MARCO: variants seen among roughly 807,000 people sequenced by gnomAD.
MARCO encodes the protein macrophage receptor with collagenous structure, also known as macrophage receptor MARCO.
MARCO carries 72 observed loss-of-function variants against 70.0 expected under a neutral mutation model. The observed-to-expected ratio is 1.03, with a 90% CI of 0.85 to 1.25. The LOEUF is 1.25. MARCO is among the 50% of genes most tolerant of loss of function. The pLI is 0.00. For missense variants in MARCO, 696 were observed against 659.3 expected (o/e 1.06, Z -0.61); for synonymous variants, 273 against 243.1 (o/e 1.12, Z -1.14).
intron 1 of MARCO, among the ~76,000 whole-genome samples, chr2:118,956,406 A>C: frequency 6.9e-6 from 1 of 144,530 alleles, no homozygotes; most frequent in East Asian, 2.1e-4. Flanking sequence ...AAGGGACATT[A>C]TGTAATGGTA....
At chr2:118,982,909 T>C (rs577903844) in intron 12 of MARCO, among the ~76,000 whole-genome samples, 1 of 152,326 alleles carries the variant, frequency 6.6e-6, no homozygotes, top group Non-Finnish European at 1.5e-5. Context: ...CTAGGTTATA[T>C]ACCATCATGT....
In MARCO at chr2:118,990,475, G is replaced by A. The variant is rs1368135228; in HGVS notation, c.1064-114G>A. 3 of 987,954 alleles carry A rather than the reference G, an allele frequency of 3.0e-6. No individual in the cohort carries two copies. In the African/African-American group the frequency reaches 4.8e-5, roughly 16 times the overall value. The allele number at this position is 987,954 out of a possible 1,614,324, so 61.2% of individuals were successfully genotyped here. ...CTTTAAACAATCGTGGAGAACCAATGTATCTTTCCATCTGCATTAATCAGA... is the reference window on the plus strand; with the variant it reads ...CTTTAAACAATCGTGGAGAACCAATATATCTTTCCATCTGCATTAATCAGA... On this transcript the variant is annotated intron_variant, in intron 12 of 16. Coordinates refer to ENST00000327097, the MANE Select transcript of MARCO (RefSeq NM_006770.4).
chr2:118,969,272 C>A lies in MARCO; in HGVS notation c.199+11C>A. 1 of 1,611,854 alleles carries A rather than the reference C, an allele frequency of 6.2e-7. No homozygotes were observed. The highest frequency in any genetic ancestry group is 8.5e-7 in the Non-Finnish European group (1 of 1,177,992). Reference sequence around the variant, plus strand: ...TGCTGGTGGTCCAAGGTAAAGCAGGCTTGGTCCTGTGTAGTCCCTCCTGGG... The same window carrying A: ...TGCTGGTGGTCCAAGGTAAAGCAGGATTGGTCCTGTGTAGTCCCTCCTGGG... On this transcript the variant is annotated intron_variant, in intron 2 of 16. Transcript: ENST00000327097.
chr2:118,950,349 A>G, intron 1 of MARCO, among the ~76,000 whole-genome samples: 1 of 152,212 alleles, frequency 6.6e-6, no homozygotes, highest in Admixed American at 6.5e-5. Flanking sequence ...TTTAATATCC[A>G]GTTCACAGAA....
rs554092991 is a variant in MARCO, at chr2:118,943,433, CTATT to C, written c.97+1038_97+1041del. On this transcript the variant is annotated intron_variant, in intron 1 of 16. Transcript: ENST00000327097. Reference sequence around the variant, plus strand: ...TCAGCTGATCAAGCATACTCAGCACCTATTTCCAGCAGGGCACTGCACTCAGCAC... The same window carrying C: ...TCAGCTGATCAAGCATACTCAGCACCTCCAGCAGGGCACTGCACTCAGCAC... Among the ~76,000 whole-genome samples, 730 of 152,346 alleles carry C rather than the reference CTATT, an allele frequency of 4.8e-3. 7 individuals carry two copies. The highest frequency in any genetic ancestry group is 6.5e-3 in the Non-Finnish European group (445 of 68,036).
intron 2 of MARCO, 126 bp from the exon 3 acceptor site, chr2:118,969,988 G>C: frequency 1.2e-6 from 1 of 818,428 alleles, no homozygotes; most frequent in South Asian, 1.6e-5. Context: ...GCTAGGTCCT[G>C]ACAGCACATG....
chr2:118,981,378 C>G, intron 8 of MARCO, 31 bp from the exon 9 acceptor site: 1 of 1,475,722 alleles, frequency 6.8e-7, no homozygotes, highest in Non-Finnish European at 9.3e-7. Context: ...GAGTTCCTCC[C>G]ACAACTAACC....
intron 12 of MARCO, among the ~76,000 whole-genome samples, chr2:118,989,147 C>T (rs1282534715): frequency 2.0e-5 from 3 of 152,212 alleles, no homozygotes; most frequent in African/African-American, 7.2e-5. Flanking sequence ...GGAGAGAAGG[C>T]TTCACAGGTG....
chr2:118,987,116 C>T lies in MARCO; in HGVS notation c.1064-3473C>T, dbSNP rs980457927. Among the ~76,000 whole-genome samples the T allele has an allele frequency of 4.6e-5, 7 of 152,360 alleles. No individual in the cohort carries two copies. The East Asian group carries it at 5.8e-4, about 13-fold the overall frequency. On this transcript the variant is annotated intron_variant, in intron 12 of 16. Transcript: ENST00000327097. The stretch of plus-strand genomic sequence containing the variant: ...GGCATATGTTTTCTAACTTAACACA[C>T]ATTTCTTGGGAGAATATTATTTCTG...
At chr2:118,970,415 A>G in intron 3 of MARCO, 77 bp downstream of exon 3, 1 of 1,165,546 alleles carries the variant, frequency 8.6e-7, no homozygotes, top group Non-Finnish European at 1.2e-6. Flanking sequence ...CCAGGAAATT[A>G]AGGACCCTGT....
In MARCO at chr2:118,982,158, C is replaced by A. The variant is rs368112112; in HGVS notation, c.904C>A (p.Gln302Lys). The A allele has an allele frequency of 6.2e-7, 1 of 1,607,206 alleles. No homozygotes were observed. The highest frequency in any genetic ancestry group is 1.3e-5 in the African/African-American group (1 of 74,918). Residue 302 changes from glutamine (Q) to lysine (K), a missense_variant and splice_region_variant, in exon 11 of 17, where the codon CAA (glutamine) becomes AAA (lysine). Gln to Lys is a moderately conservative substitution (Grantham distance 53). This residue lies in a region of MARCO where 605 missense variants were observed against 537.6 expected (regional missense o/e 1.13). Coordinates refer to ENST00000327097, the MANE Select transcript of MARCO (RefSeq NM_006770.4). Reference sequence around the variant, plus strand: ...GGCAGTCACTACTTTCCTTTCAGGACAACCTGGACTGCAGGGTGTTCCGGG... The same window carrying A: ...GGCAGTCACTACTTTCCTTTCAGGAAAACCTGGACTGCAGGGTGTTCCGGG... ...GFPGAKGDQGQPGLQGVPGPP... is the reference protein window; with the variant it reads ...GFPGAKGDQGKPGLQGVPGPP...
chr2:118,983,289 C>T (rs1680428785), intron 12 of MARCO, among the ~76,000 whole-genome samples: 1 of 152,208 alleles, frequency 6.6e-6, no homozygotes, highest in African/African-American at 2.4e-5. Context: ...TTGTGTCAGA[C>T]AACCTGGATG....
chr2:118,958,250 C>G (rs985183740), intron 1 of MARCO, among the ~76,000 whole-genome samples: 1 of 151,890 alleles, frequency 6.6e-6, no homozygotes, highest in Non-Finnish European at 1.5e-5. Context: ...CTTTGAAAAC[C>G]TTAAGGGCTC....
At chr2:118,945,048 C>T (rs1244509158) in intron 1 of MARCO, 11 of 152,122 alleles carry the variant, frequency 7.2e-5, no homozygotes, top group African/African-American at 2.7e-4. Flanking sequence ...TGAATAACCA[C>T]CACAAAGACT....
chr2:118,959,734 A>G (rs1679906916), intron 1 of MARCO, among the ~76,000 whole-genome samples: 1 of 151,546 alleles, frequency 6.6e-6, no homozygotes, highest in South Asian at 2.1e-4. Flanking sequence ...TGGAACCCCA[A>G]CAAGTGGATA....
At chr2:118,972,286 T>A (rs34203366) in intron 4 of MARCO, among the ~76,000 whole-genome samples, 12,100 of 152,290 alleles carry the variant, frequency 0.079, 645 homozygotes, top group South Asian at 0.16. Context: ...CCATTTCATC[T>A]GCTGAGTGGT....
chr2:118,985,921 G>A (rs1389484760), intron 12 of MARCO, among the ~76,000 whole-genome samples: 2 of 152,112 alleles, frequency 1.3e-5, no homozygotes, highest in East Asian at 1.9e-4. Flanking sequence ...AAACCGAAGT[G>A]CAAATAACTC....
At chr2:118,991,986 C>A in intron 14 of MARCO, 111 bp downstream of exon 14, 1 of 797,250 alleles carries the variant, frequency 1.3e-6, no homozygotes, top group Non-Finnish European at 2.0e-6. Context: ...TTTTCAGAAC[C>A]CAGGAGGGTA....
intron 8 of MARCO, among the ~76,000 whole-genome samples, chr2:118,978,468 A>T (rs532102099): frequency 6.6e-6 from 1 of 152,328 alleles, no homozygotes; most frequent in South Asian, 2.1e-4. Context: ...ACCACACTCG[A>T]AGAAACACTG....
Sources: gnomAD v4.1 joint callset for allele counts (sites outside exome capture counted in the v4.1 genomes callset) on GRCh38, gnomAD v4.1.1 for gene constraint, gnomAD v4.1.1 regional missense constraint, MANE v1.5 for transcripts, NCBI Gene and HGNC (gene_info 2026-07-23, HGNC 2026-07-21) for gene names.